CACNA1D: variants seen among roughly 807,000 people sequenced by gnomAD.
The protein encoded by CACNA1D is voltage-dependent L-type calcium channel subunit alpha-1D.
CACNA1D carries 55 observed loss-of-function variants against 257.1 expected under a neutral mutation model. The ratio of observed to expected loss-of-function variants is 0.21; its 90% CI spans 0.17 to 0.27. The LOEUF is 0.27. CACNA1D is among the 10% of genes least tolerant of loss of function. The probability of loss-of-function intolerance (pLI) is 1.00; values close to 1 mark genes in which losing one functional copy is unlikely to be tolerated. For missense variants in CACNA1D, 1,876 were observed against 2,784.0 expected, an observed-to-expected ratio of 0.67 and a Z score of 7.34; for synonymous variants, 980 against 1,014.9, an observed-to-expected ratio of 0.97 and a Z score of 0.65.
chr3:53,755,864 A>G (rs2095261474), intron 29 of CACNA1D, among the ~76,000 whole-genome samples: 2 of 151,986 alleles, frequency 1.3e-5, no homozygotes, highest in South Asian at 4.2e-4. Context: ...GTGGTCTTTC[A>G]CAAAGAAGCC....
intron 26 of CACNA1D, among the ~76,000 whole-genome samples, chr3:53,748,481 G>A (rs2095193245): frequency 6.6e-6 from 1 of 152,216 alleles, no homozygotes; most frequent in Admixed American, 6.5e-5. Context: ...ACTGTGTGCA[G>A]GCACAGGCTA....
At chr3:53,510,749 A>T (rs1357309752) in intron 3 of CACNA1D, among the ~76,000 whole-genome samples, 1 of 152,086 alleles carries the variant, frequency 6.6e-6, no homozygotes, top group Non-Finnish European at 1.5e-5. Flanking sequence ...GGCTGTACAA[A>T]AGGAAGTCTT....
rs778127701 is a variant in CACNA1D at position 53,800,444 on chromosome 3, C to T, written c.5040+79C>T. 2 of 968,276 alleles carry T rather than the reference C, an allele frequency of 2.1e-6. No homozygotes were observed. The allele number at this position is 968,276 out of a possible 1,614,324, so 60.0% of individuals were successfully genotyped here. A position where few individuals can be genotyped will look rare whatever the true frequency, so the allele number is the denominator to read the frequency against. On this transcript the variant is annotated intron_variant, in intron 41 of 47. Coordinates refer to ENST00000350061, the MANE Select transcript of CACNA1D (RefSeq NM_001128840.3). This position sits in a 1 kb window ranked among gnomAD's most constrained non-coding sequence, Gnocchi z 4.3. The stretch of plus-strand genomic sequence containing the variant: ...ACTCCAGTTTGGGCAGTTAATCATC[C>T]ACAGAAGAGTCTGGAGAATGCAGCC...
At chr3:53,794,188 A>C (rs1376447599) in intron 40 of CACNA1D, among the ~76,000 whole-genome samples, 1 of 152,236 alleles carries the variant, frequency 6.6e-6, no homozygotes, top group Admixed American at 6.5e-5. Flanking sequence ...GATGTGACGT[A>C]GTAGTAAAAG....
intron 32 of CACNA1D, 101 bp from the exon 33 acceptor site, chr3:53,772,732 T>C: frequency 2.4e-6 from 2 of 840,440 alleles, no homozygotes; most frequent in South Asian, 2.7e-5. Context: ...ACACGTGGAA[T>C]AGAAAGGAAG....
chr3:53,698,790 G>A (rs1233790979), intron 8 of CACNA1D, among the ~76,000 whole-genome samples: 1 of 148,454 alleles, frequency 6.7e-6, no homozygotes, highest in Non-Finnish European at 1.5e-5. Flanking sequence ...TGTGTAAAGG[G>A]TAGCACACTT....
chr3:53,508,468 C>A (rs1366798632), intron 3 of CACNA1D, among the ~76,000 whole-genome samples: 2 of 152,156 alleles, frequency 1.3e-5, no homozygotes, highest in Admixed American at 6.5e-5. Context: ...CTGTTCCTCT[C>A]TCTTCCCCCA....
chr3:53,666,609 G>GAGAGGTTTGT (rs2094266986), intron 7 of CACNA1D, 74 bp downstream of exon 7: 1 of 1,244,754 alleles, frequency 8.0e-7, no homozygotes, highest in African/African-American at 1.5e-5. Flanking sequence ...TAGAGCCACT[G>GAGAGGTTTGT]GAGAGGTGGC....
At chr3:53,615,878 A>T (rs1042529746) in intron 3 of CACNA1D, among the ~76,000 whole-genome samples, 3 of 152,208 alleles carry the variant, frequency 2.0e-5, no homozygotes, top group African/African-American at 7.2e-5. Context: ...CCTCCTTGGC[A>T]GTTCTTTTTT....
chr3:53,548,453 G>A (rs539421089), intron 3 of CACNA1D, among the ~76,000 whole-genome samples: 6 of 150,066 alleles, frequency 4.0e-5, no homozygotes, highest in African/African-American at 9.8e-5. Context: ...AGAAGCAGCC[G>A]GCTGAGAACT....
chr3:53,781,751 T>C (rs1576647804), intron 39 of CACNA1D, 84 bp downstream of exon 39: 1 of 929,806 alleles, frequency 1.1e-6, no homozygotes, highest in South Asian at 1.3e-5. Context: ...AGAGAGTGTT[T>C]GCAAAATGCT....
chr3:53,787,583 G>A (rs1012309046), intron 40 of CACNA1D, among the ~76,000 whole-genome samples: 2 of 152,076 alleles, frequency 1.3e-5, no homozygotes, highest in African/African-American at 4.8e-5. Context: ...CCTGGGCCCT[G>A]CTGCAGGCTC....
chr3:53,522,033 G>A (rs1443069486), intron 3 of CACNA1D, among the ~76,000 whole-genome samples: 3 of 151,954 alleles, frequency 2.0e-5, no homozygotes, highest in Non-Finnish European at 4.4e-5. Flanking sequence ...CTACCCAGGA[G>A]GCTGAGGTAG....
intron 3 of CACNA1D, among the ~76,000 whole-genome samples, chr3:53,584,760 G>A (rs72966324): frequency 0.03 from 4,495 of 152,290 alleles, 206 homozygotes; most frequent in African/African-American, 0.1. Context: ...TGCAGCTGTC[G>A]TCTTGGGTGT....
chr3:53,682,334 C>T, intron 8 of CACNA1D, among the ~76,000 whole-genome samples: 1 of 123,946 alleles, frequency 8.1e-6, no homozygotes. Flanking sequence ...TTGAAACCAG[C>T]CTGGGCGACA....
At chr3:53,732,425 G>A (rs954213414) in intron 18 of CACNA1D, among the ~76,000 whole-genome samples, 1 of 152,198 alleles carries the variant, frequency 6.6e-6, no homozygotes, top group Non-Finnish European at 1.5e-5. Flanking sequence ...GTGGAGTTGG[G>A]AGCCTAGGAG....
At chr3:53,585,242 G>A (rs1422303000) in intron 3 of CACNA1D, among the ~76,000 whole-genome samples, 1 of 152,094 alleles carries the variant, frequency 6.6e-6, no homozygotes, top group Non-Finnish European at 1.5e-5. Flanking sequence ...TGCCTGCCCA[G>A]AGAGGTCCCT....
At chr3:53,782,264 G>GTGTGTGTGTGTATATATATATA (rs6147823) in intron 39 of CACNA1D, 1 of 75,446 alleles carries the variant, frequency 1.3e-5, no homozygotes, top group Non-Finnish European at 2.2e-5. Context: ...GTGTGTGTGT[G>GTGTGTGTGTGTATATATATATA]TATATATATA....
intron 7 of CACNA1D, among the ~76,000 whole-genome samples, chr3:53,669,024 C>T (rs1220072840): frequency 6.6e-6 from 1 of 152,258 alleles, no homozygotes; most frequent in African/African-American, 2.4e-5. Flanking sequence ...ACCCAGCACT[C>T]TTTCCTTGGC....
Sources: gnomAD v4.1 joint callset for allele counts (sites outside exome capture counted in the v4.1 genomes callset) on GRCh38, gnomAD v4.1.1 for gene constraint, Gnocchi (gnomAD v3.1) non-coding constraint, MANE v1.5 for transcripts, NCBI Gene and HGNC (gene_info 2026-07-23, HGNC 2026-07-21) for gene names.